Variants in TAS2R7 observed in about 807,000 individuals in gnomAD.
TAS2R7 encodes the protein taste 2 receptor member 7, also known as taste receptor type 2 member 7.
For synonymous variants in TAS2R7, 159 were observed against 138.8 expected (o/e 1.15, Z -1.02); for missense variants, 403 against 366.0 (o/e 1.10, Z -0.82).
chr12:10,801,925 G>T lies in TAS2R7; in HGVS notation c.646C>A (p.Gln216Lys). The change falls in exon 1 of 1, where the codon CAG becomes AAG. Residue 216 changes from glutamine to lysine, a missense_variant. Coordinates refer to ENST00000240687, the MANE Select transcript of TAS2R7 (RefSeq NM_023919.2). Reference protein sequence around the residue: ...LSLRRHIRRMQLSATGCRDPS... With the variant: ...LSLRRHIRRMKLSATGCRDPS... ...TCTCTGCACCCTGTGGCACTGAGCT[G>T]CATTCGCCTGATATGTCTCCGCAGG... The T allele has an allele frequency of 6.2e-7, 1 of 1,613,938 alleles. No homozygotes were observed. The highest frequency in any genetic ancestry group is 1.7e-5 in the Admixed American group (1 of 59,914).
rs150466351 is a variant in TAS2R7 at position 10,802,152 on chromosome 12, A to G, written c.419T>C (p.Leu140Pro). The change falls in exon 1 of 1, where the codon CTC becomes CCC. Residue 140 changes from leucine (L) to proline (P), a missense_variant. Physicochemically the swap from Leu to Pro is moderately conservative, Grantham distance 98 (BLOSUM62 -3). Coordinates refer to ENST00000240687, the MANE Select transcript of TAS2R7 (RefSeq NM_023919.2). ...GGCTGGAAGGCTAATAAACACAGAGAGAACCACGCACCCCAGTAGAATCCA... is the reference window on the plus strand; with the variant it reads ...GGCTGGAAGGCTAATAAACACAGAGGGAACCACGCACCCCAGTAGAATCCA... ...ISWILLGCVV[L>P]SVFISLPATE... 2.0e-5 allele frequency: 33 copies of G among 1,613,732 alleles called. No individual in the cohort carries two copies. Among genetic ancestry groups the G allele is most frequent in the Non-Finnish European group, 2.5e-5 (30 of 1,179,948 alleles).
chr12:10,801,750 G>C lies in TAS2R7; in HGVS notation c.821C>G (p.Ala274Gly). The C allele has an allele frequency of 6.2e-7, 1 of 1,613,986 alleles. No individual in the cohort carries two copies. The highest frequency in any genetic ancestry group is 8.5e-7 in the Non-Finnish European group (1 of 1,179,940). ...TGAATGACTTGAGGGGTAGATTAGA[G>C]CTATGGACTCACCAAAAATCACAGC... is the stretch of plus-strand genomic sequence containing the variant. ...ELAVIFGESI[A>G]LIYPSSHSFI... The change falls in exon 1 of 1, where the codon GCT becomes GGT. Residue 274 changes from alanine to glycine, a missense_variant. Coordinates refer to ENST00000240687, the MANE Select transcript of TAS2R7 (RefSeq NM_023919.2).
rs766800046 is a variant in TAS2R7 at position 10,801,994 on chromosome 12, G to T, written c.577C>A (p.Pro193Thr). 1 of 1,613,864 alleles carries T rather than the reference G, an allele frequency of 6.2e-7. No individual in the cohort carries two copies. Among genetic ancestry groups the T allele is most frequent in the Admixed American group, 1.7e-5 (1 of 59,914 alleles). ...AAGGACATTAGGCACACACAAAAGGGGAGCAGCGTTGCCAGGTTGAGAAAT... is the reference window on the plus strand; with the variant it reads ...AAGGACATTAGGCACACACAAAAGGTGAGCAGCGTTGCCAGGTTGAGAAAT... ...KLFLNLATLL[P>T]FCVCLMSFFL... is the part of the protein sequence containing the mutation. The change falls in exon 1 of 1, where the codon CCC becomes ACC. Residue 193 changes from proline to threonine, a missense_variant. Transcript: ENST00000240687.
chr12:10,801,570 G>A lies in TAS2R7; in HGVS notation c.*44C>T. On this transcript the variant is annotated 3_prime_UTR_variant, in exon 1 of 1. Coordinates refer to ENST00000240687, the MANE Select transcript of TAS2R7 (RefSeq NM_023919.2). ...TAATGCAAGAACTGAAGTTAATTTA[G>A]AAACATCTTATCTTTGTTTGTCCTA... 1 of 1,263,336 alleles carries A rather than the reference G, an allele frequency of 7.9e-7. No individual in the cohort carries two copies. The highest frequency in any genetic ancestry group is 2.2e-5 in the Admixed American group (1 of 45,964). 78.3% of individuals were successfully genotyped at this position (1,263,336 alleles called of 1,614,324 possible). A position where few individuals can be genotyped will look rare whatever the true frequency, so the allele number is the denominator to read the frequency against.
At position 10,801,792 on chromosome 12, in the gene TAS2R7, A is replaced by G. The variant is rs968443740; in HGVS notation, c.779T>C (p.Met260Thr). 1 of 1,614,044 alleles carries G rather than the reference A, an allele frequency of 6.2e-7. No homozygotes were observed. Among genetic ancestry groups the G allele is most frequent in the Non-Finnish European group, 8.5e-7 (1 of 1,179,974 alleles). Residue 260 changes from methionine to threonine, a missense_variant, in exon 1 of 1, where the codon ATG becomes ACG. Transcript: ENST00000240687. ...SFLIATSSYF[M>T]PETELAVIFG... ...AATCACAGCTAATTCCGTCTCTGGC[A>G]TAAAGTAGCTGGAGGTGGCAATGAG...
chr12:10,802,394 C>A lies in TAS2R7; in HGVS notation c.177G>T (p.Leu59Phe), dbSNP rs1235060237. ...TSLAISRICLLCVILLDCFIL... is the reference protein window; with the variant it reads ...TSLAISRICLFCVILLDCFIL... ...TAAAACAATCTAATAGTATTACGCA[C>A]AATAGACAAATTCTGGATATGGCCA... Residue 59 changes from leucine to phenylalanine, a missense_variant, in exon 1 of 1, where the codon TTG becomes TTT. Coordinates refer to ENST00000240687, the MANE Select transcript of TAS2R7 (RefSeq NM_023919.2). 3.7e-6 allele frequency: 6 copies of A among 1,613,996 alleles called. No individual in the cohort carries two copies. In the South Asian group the frequency reaches 6.6e-5, roughly 18 times the overall value.
rs1172765954 is a variant in TAS2R7, at chr12:10,802,065, G to A, written c.506C>T (p.Thr169Ile). 1 of 1,613,862 alleles carries A rather than the reference G, an allele frequency of 6.2e-7. No individual in the cohort carries two copies. The highest frequency in any genetic ancestry group is 1.1e-5 in the South Asian group (1 of 91,076). Residue 169 changes from threonine (T) to isoleucine (I), a missense_variant, in exon 1 of 1, where the codon ACT becomes ATT. Transcript: ENST00000240687. ...CVKAKRKTNL[T>I]WSCRVNKTQH... ...AGTTTTATTTACTCTGCAACTCCAA[G>A]TTAAGTTTGTTTTCCTCTTTGCCTT...
Position 10,801,781 on chromosome 12 carries a change from C to T in TAS2R7, c.790G>A (p.Glu264Lys), listed in dbSNP as rs760804047. Residue 264 changes from glutamate to lysine, a missense_variant, in exon 1 of 1, where the codon GAA (glutamate) becomes AAA (lysine). Transcript: ENST00000240687. Reference protein sequence around the residue: ...ATSSYFMPETELAVIFGESIA... With the variant: ...ATSSYFMPETKLAVIFGESIA... ...GACTCACCAAAAATCACAGCTAATT[C>T]CGTCTCTGGCATAAAGTAGCTGGAG... 2 of 1,613,934 alleles carry T rather than the reference C, an allele frequency of 1.2e-6. No homozygotes were observed. The highest frequency in any genetic ancestry group is 1.3e-5 in the African/African-American group (1 of 75,004).
rs776352083 is a variant in TAS2R7 at position 10,802,294 on chromosome 12, T to G, written c.277A>C (p.Asn93His). The change falls in exon 1 of 1, where the codon AAT (asparagine) becomes CAT (histidine). Residue 93 changes from asparagine (N) to histidine (H), a missense_variant. Transcript: ENST00000240687. Reference protein sequence around the residue: ...RIIDFFWTLTNHLSIWFATCL... With the variant: ...RIIDFFWTLTHHLSIWFATCL... The stretch of plus-strand genomic sequence containing the variant: ...GTTGCAAACCAGATACTTAAATGAT[T>G]GGTTAGTGTCCAGAAGAAGTCAATG... The G allele has an allele frequency of 2.5e-6, 4 of 1,613,834 alleles. No homozygotes were observed. In the Admixed American group the frequency reaches 6.7e-5, roughly 27 times the overall value.
rs780844712 is a variant in TAS2R7 at position 10,802,465 on chromosome 12, C to A, written c.106G>T (p.Val36Phe). ...ATGGAGGCAATTTTCCTCTTCTTGA[C>A]CCAGTCCATGCAGTTTACCAATCCA... ...FIGLVNCMDW[V>F]KKRKIASIDL... The change falls in exon 1 of 1, where the codon GTC becomes TTC. Residue 36 changes from valine to phenylalanine, a missense_variant. Physicochemically the swap from Val to Phe is conservative, Grantham distance 50. Transcript: ENST00000240687. The A allele has an allele frequency of 1.2e-6, 2 of 1,614,006 alleles. No individual in the cohort carries two copies. Among genetic ancestry groups the A allele is most frequent in the Middle Eastern group, 1.7e-4 (1 of 6,056 alleles).
rs752392821 is a variant in TAS2R7, at chr12:10,801,947, C to T, written c.624G>A (p.Leu208=). 3.1e-6 allele frequency: 5 copies of T among 1,613,762 alleles called. No homozygotes were observed. Among genetic ancestry groups the T allele is most frequent in the African/African-American group, 1.3e-5 (1 of 74,892 alleles). The part of the protein sequence containing the change: ...LMSFFLLILS[L]RRHIRRMQLS... ...GCTGCATTCGCCTGATATGTCTCCG[C>T]AGGGAGAGGATCAAGAGGAAAAAGG... Residue 208 remains leucine (L), a synonymous_variant, in exon 1 of 1, where the codon CTG becomes CTA. Coordinates refer to ENST00000240687, the MANE Select transcript of TAS2R7 (RefSeq NM_023919.2).
chr12:10,802,608 A>C lies in TAS2R7; in HGVS notation c.-38T>G. 6.5e-7 allele frequency: 1 copy of C among 1,548,606 alleles called. No individual in the cohort carries two copies. Among genetic ancestry groups the C allele is most frequent in the Admixed American group, 1.8e-5 (1 of 56,114 alleles). On this transcript the variant is annotated 5_prime_UTR_variant, in exon 1 of 1. Transcript: ENST00000240687. ...AATTAGTTTCTAGTTGACCTGATGG[A>C]GTTTGACATCCACACCTGCTTCTTA...
Position 10,802,607 on chromosome 12 carries a change from G to A in TAS2R7, c.-37C>T. 6.4e-7 allele frequency: 1 copy of A among 1,551,514 alleles called. No homozygotes were observed. Among genetic ancestry groups the A allele is most frequent in the Admixed American group, 1.8e-5 (1 of 56,166 alleles). On this transcript the variant is annotated 5_prime_UTR_variant, in exon 1 of 1. Coordinates refer to ENST00000240687, the MANE Select transcript of TAS2R7 (RefSeq NM_023919.2). The stretch of plus-strand genomic sequence containing the variant: ...CAATTAGTTTCTAGTTGACCTGATG[G>A]AGTTTGACATCCACACCTGCTTCTT...
Position 10,801,573 on chromosome 12 carries a change from AC to A in TAS2R7, c.*40del. Reference sequence around the variant, plus strand: ...TGCAAGAACTGAAGTTAATTTAGAAACATCTTATCTTTGTTTGTCCTAGAAA... The same window carrying A: ...TGCAAGAACTGAAGTTAATTTAGAAAATCTTATCTTTGTTTGTCCTAGAAA... On this transcript the variant is annotated 3_prime_UTR_variant, in exon 1 of 1. Coordinates refer to ENST00000240687, the MANE Select transcript of TAS2R7 (RefSeq NM_023919.2). 2 of 1,277,758 alleles carry A rather than the reference AC, an allele frequency of 1.6e-6. No individual in the cohort carries two copies. Among genetic ancestry groups the A allele is most frequent in the Non-Finnish European group, 2.2e-6 (2 of 916,032 alleles). The allele number at this position is 1,277,758 out of a possible 1,614,324, so 79.2% of individuals were successfully genotyped here.
Position 10,801,942 on chromosome 12 carries a change from C to T in TAS2R7, c.629G>A (p.Arg210Lys), listed in dbSNP as rs773807828. ...SFFLLILSLRRHIRRMQLSAT... is the reference protein window; with the variant it reads ...SFFLLILSLRKHIRRMQLSAT... Reference sequence around the variant, plus strand: ...ACTGAGCTGCATTCGCCTGATATGTCTCCGCAGGGAGAGGATCAAGAGGAA... The same window carrying T: ...ACTGAGCTGCATTCGCCTGATATGTTTCCGCAGGGAGAGGATCAAGAGGAA... Residue 210 changes from arginine (R) to lysine (K), a missense_variant, in exon 1 of 1, where the codon AGA becomes AAA. By Grantham distance (26) the Arg-to-Lys change is conservative (BLOSUM62 2). Coordinates refer to ENST00000240687, the MANE Select transcript of TAS2R7 (RefSeq NM_023919.2). 33 of 1,613,824 alleles carry T rather than the reference C, an allele frequency of 2.0e-5. No individual in the cohort carries two copies. The highest frequency in any genetic ancestry group is 2.8e-5 in the Non-Finnish European group (33 of 1,179,994).
chr12:10,802,160 G>C lies in TAS2R7; in HGVS notation c.411C>G (p.Cys137Trp). 2 of 1,613,646 alleles carry C rather than the reference G, an allele frequency of 1.2e-6. No homozygotes were observed. Among genetic ancestry groups the C allele is most frequent in the Non-Finnish European group, 1.7e-6 (2 of 1,179,858 alleles). Residue 137 changes from cysteine to tryptophan, a missense_variant, in exon 1 of 1, where the codon TGC (cysteine) becomes TGG (tryptophan). Cys to Trp is a radical substitution (Grantham distance 215). Transcript: ENST00000240687. ...DRVISWILLG[C>W]VVLSVFISLP... ...GGCTAATAAACACAGAGAGAACCAC[G>C]CACCCCAGTAGAATCCAGGAAATCA...
rs143717481 is a variant in TAS2R7, at chr12:10,802,222, G to A, written c.349C>T (p.Pro117Ser). Residue 117 changes from proline to serine, a missense_variant, in exon 1 of 1, where the codon CCA becomes TCA. Transcript: ENST00000240687. ...CTCCACTTCATCCAGAGGAAAAGTG[G>A]GTGAAAGAAATTACCTATCTTGAAG... is the stretch of plus-strand genomic sequence containing the variant. Reference protein sequence around the residue: ...YFFKIGNFFHPLFLWMKWRID... With the variant: ...YFFKIGNFFHSLFLWMKWRID... The A allele has an allele frequency of 1.4e-4, 222 of 1,613,646 alleles. 2 individuals carry two copies. In the East Asian group the frequency reaches 4.4e-3, roughly 32 times the overall value.
rs777831358 is a variant in TAS2R7, at chr12:10,801,815, G to A, written c.756C>T (p.Leu252=). ...GCATAAAGTAGCTGGAGGTGGCAAT[G>A]AGAAAGGACAAATAGTAGGCAATAA... ...LLFIAYYLSF[L]IATSSYFMPE... Residue 252 remains leucine (L), a synonymous_variant, in exon 1 of 1, where the codon CTC becomes CTT. Transcript: ENST00000240687. The A allele has an allele frequency of 3.4e-5, 55 of 1,613,882 alleles. No homozygotes were observed. Among genetic ancestry groups the A allele is most frequent in the Non-Finnish European group, 4.2e-5 (50 of 1,179,990 alleles).
In TAS2R7 at chr12:10,802,356, T is replaced by C; in HGVS notation, c.215A>G (p.Tyr72Cys). The change falls in exon 1 of 1, where the codon TAT becomes TGT. Residue 72 changes from tyrosine (Y) to cysteine (C), a missense_variant. By Grantham distance (194) the Tyr-to-Cys change is radical. Transcript: ENST00000240687. ...TTTACCAGTGGCATAGACATCTGGA[T>C]ATAGCACCAATATAAAACAATCTAA... Reference protein sequence around the residue: ...ILLDCFILVLYPDVYATGKEM... With the variant: ...ILLDCFILVLCPDVYATGKEM... 2 of 1,614,036 alleles carry C rather than the reference T, an allele frequency of 1.2e-6. No individual in the cohort carries two copies. Among genetic ancestry groups the C allele is most frequent in the Non-Finnish European group, 1.7e-6 (2 of 1,179,970 alleles).
Sources: allele counts gnomAD v4.1 joint callset, GRCh38; gene constraint gnomAD v4.1.1; transcripts MANE v1.5; gene names NCBI Gene and HGNC (gene_info 2026-07-23, HGNC 2026-07-21).